The following FAM169A variants were observed in gnomAD, a reference collection of about 807,000 sequenced individuals.
FAM169A encodes the protein soluble lamin-associated protein of 75 kDa.
A neutral mutation model predicts 75.7 loss-of-function variants in FAM169A; 24 were observed. That is an observed-to-expected ratio of 0.32 (90% CI 0.23 to 0.45). The LOEUF (loss-of-function observed/expected upper bound fraction) is 0.45, where lower values mean the gene tolerates loss of function less well. FAM169A is among the 20% of genes least tolerant of loss of function. The probability of loss-of-function intolerance (pLI) is 1.00; values close to 1 mark genes in which losing one functional copy is unlikely to be tolerated. For synonymous variants in FAM169A, 271 were observed against 271.0 expected, an observed-to-expected ratio of 1.00 and a Z score of 0.00; for missense variants, 673 against 784.0, an observed-to-expected ratio of 0.86 and a Z score of 1.69.
chr5:74,852,425 G>T (rs2112716479), intron 1 of FAM169A, among the ~76,000 whole-genome samples: 1 of 152,186 alleles, frequency 6.6e-6, no homozygotes, highest in South Asian at 2.1e-4. Flanking sequence ...TGGGAAGAAG[G>T]TACAAGAGAC....
intron 5 of FAM169A, among the ~76,000 whole-genome samples, chr5:74,822,980 A>G (rs1191351568): frequency 1.3e-5 from 2 of 151,860 alleles, no homozygotes; most frequent in African/African-American, 4.8e-5. Flanking sequence ...TCCCTTCTCC[A>G]CTCCTACTGG....
Position 74,781,525 on chromosome 5 carries a change from G to A in FAM169A, c.1948C>T (p.Arg650Trp), listed in dbSNP as rs753068782. The change falls in exon 13 of 13, where the codon CGG becomes TGG. Residue 650 changes from arginine (R) to tryptophan (W), a missense_variant. Arg to Trp is a moderately radical substitution (Grantham distance 101). Transcript: ENST00000687041. ...CCTTTGGCCTTTCTTCTTAAATTCC[G>A]CCTGTCTACCACAGGCACTTCCACT... Reference protein sequence around the residue: ...IEVEVPVVDRRNLRRKAKGHK... With the variant: ...IEVEVPVVDRWNLRRKAKGHK... 5.6e-6 allele frequency: 9 copies of A among 1,613,840 alleles called. No homozygotes were observed. Among genetic ancestry groups the A allele is most frequent in the East Asian group, 2.2e-5 (1 of 44,898 alleles).
chr5:74,839,983 A>C, intron 3 of FAM169A, 91 bp downstream of exon 3: 1 of 632,412 alleles, frequency 1.6e-6, no homozygotes. Flanking sequence ...TAAAAAAAAA[A>C]CCAAATTCCT....
At chr5:74,816,118 G>A (rs372424166) in intron 5 of FAM169A, among the ~76,000 whole-genome samples, 13 of 152,204 alleles carry the variant, frequency 8.5e-5, no homozygotes, top group South Asian at 2.1e-4. Context: ...ACAAGCTAAC[G>A]CAACCACTAT....
chr5:74,788,705 CAAAA>C (rs111938760), intron 11 of FAM169A, among the ~76,000 whole-genome samples: 1 of 106,846 alleles, frequency 9.4e-6, no homozygotes, highest in Non-Finnish European at 2.0e-5. Context: ...AACTCCATCT[CAAAA>C]AAAAAAAAAA....
chr5:74,853,325 C>T (rs987692340), intron 1 of FAM169A, among the ~76,000 whole-genome samples: 1 of 152,150 alleles, frequency 6.6e-6, no homozygotes, highest in African/African-American at 2.4e-5. Flanking sequence ...TCTTGCACCT[C>T]GCATTGTGTT....
At chr5:74,808,692 T>G (rs1747015736) in intron 6 of FAM169A, among the ~76,000 whole-genome samples, 1 of 152,216 alleles carries the variant, frequency 6.6e-6, no homozygotes. Context: ...TTTATAATGT[T>G]TACAGACATA....
chr5:74,848,442 T>C (rs892206535), intron 1 of FAM169A, among the ~76,000 whole-genome samples: 3 of 152,150 alleles, frequency 2.0e-5, no homozygotes, highest in South Asian at 2.1e-4. Context: ...TTTTATTAAA[T>C]ATGCAAAATC....
At chr5:74,827,098 T>C (rs1430556401) in intron 5 of FAM169A, among the ~76,000 whole-genome samples, 3 of 152,194 alleles carry the variant, frequency 2.0e-5, no homozygotes, top group African/African-American at 7.2e-5. Context: ...TCATATATCA[T>C]GGGATACATG....
intron 5 of FAM169A, among the ~76,000 whole-genome samples, chr5:74,833,168 T>G (rs1030406592): frequency 7.9e-5 from 12 of 151,998 alleles, no homozygotes. Flanking sequence ...GGTAGGAAAC[T>G]CCCCTGGAGC....
chr5:74,801,087 T>C (rs1226375542), intron 9 of FAM169A, 57 bp from the exon 10 acceptor site: 24 of 1,326,400 alleles, frequency 1.8e-5, no homozygotes, highest in Non-Finnish European at 2.3e-5. Flanking sequence ...AAGGACTACC[T>C]ATTAAAATAC....
chr5:74,818,801 C>CTATATATA (rs59106706), intron 5 of FAM169A, among the ~76,000 whole-genome samples: 13 of 123,148 alleles, frequency 1.1e-4, no homozygotes, highest in East Asian at 4.5e-4. Context: ...CTCTCTCTCT[C>CTATATATA]TCTATATATA....
rs565263350 is a variant in FAM169A at position 74,799,032 on chromosome 5, T to C, written c.1103+1848A>G. On this transcript the variant is annotated intron_variant, in intron 10 of 12. Coordinates refer to ENST00000687041, the MANE Select transcript of FAM169A (RefSeq NM_001376049.1). ...AGTTTTTACTAGAGCCAATCAACTG[T>C]CGTGCCTGAAACAGGGATCGTACCC... 140 of 1,126,354 alleles carry C rather than the reference T, an allele frequency of 1.2e-4. No individual in the cohort carries two copies. In the African/African-American group the frequency reaches 1.8e-3, roughly 15 times the overall value. The allele number at this position is 1,126,354 out of a possible 1,614,324, so 69.8% of individuals were successfully genotyped here. A position where few individuals can be genotyped will look rare whatever the true frequency, so the allele number is the denominator to read the frequency against.
chr5:74,866,659 A>C, upstream of FAM169A: 1 of 838,946 alleles, frequency 1.2e-6, no homozygotes, highest in Non-Finnish European at 1.4e-6. Flanking sequence ...ATGGCCTGGT[A>C]TTAAAGAGTG....
intron 1 of FAM169A, among the ~76,000 whole-genome samples, chr5:74,844,166 C>G (rs1310873856): frequency 6.6e-6 from 1 of 152,140 alleles, no homozygotes; most frequent in African/African-American, 2.4e-5. Context: ...TTGAAAATTT[C>G]CATGACAAGG....
At chr5:74,791,657 G>T (rs1745982658) in intron 11 of FAM169A, among the ~76,000 whole-genome samples, 1 of 152,202 alleles carries the variant, frequency 6.6e-6, no homozygotes, top group Non-Finnish European at 1.5e-5. Context: ...ATCCCTTGGG[G>T]TGTCTCTTAG....
intron 1 of FAM169A, among the ~76,000 whole-genome samples, chr5:74,842,420 CAAAAAAAAAAAA>C (rs56653446): frequency 4.1e-3 from 92 of 22,468 alleles, no homozygotes; most frequent in East Asian, 0.014. Flanking sequence ...GACTCTATCA[CAAAAAAAAAAAA>C]AAAAAAAAAA....
intron 6 of FAM169A, among the ~76,000 whole-genome samples, chr5:74,812,828 G>A (rs1200398653): frequency 6.6e-6 from 1 of 152,156 alleles, no homozygotes; most frequent in Non-Finnish European, 1.5e-5. Context: ...AGGATGTGGA[G>A]GGCTGTAATA....
chr5:74,842,696 A>T (rs2112680720), intron 1 of FAM169A, among the ~76,000 whole-genome samples: 1 of 151,994 alleles, frequency 6.6e-6, no homozygotes, highest in South Asian at 2.1e-4. Context: ...CTGTGCCAGG[A>T]CTATCTTGCT....
Sources: allele counts gnomAD v4.1 joint callset (sites outside exome capture counted in the v4.1 genomes callset), GRCh38; gene constraint gnomAD v4.1.1; transcripts MANE v1.5; gene names NCBI Gene and HGNC (gene_info 2026-07-23, HGNC 2026-07-21).